CSMD1: variants seen among roughly 807,000 people sequenced by gnomAD.
The protein encoded by CSMD1 is CUB and Sushi multiple domains 1.
CSMD1 carries 213 observed loss-of-function variants against 417.5 expected under a neutral mutation model. The observed-to-expected ratio is 0.51, with a 90% CI of 0.46 to 0.57. CSMD1 has a LOEUF of 0.57. Ranked by LOEUF, CSMD1 falls within the 20% of genes least tolerant of loss-of-function variation. The pLI, the probability that CSMD1 is intolerant of heterozygous loss-of-function variation, is 0.00. For synonymous variants in CSMD1, 2,862 were observed against 1,736.8 expected, an observed-to-expected ratio of 1.65 and a Z score of -16.11; for missense variants, 6,923 against 4,529.7, an observed-to-expected ratio of 1.53 and a Z score of -15.17.
At chr8:3,052,830 G>A (rs980072522) in intron 49 of CSMD1, among the ~76,000 whole-genome samples, 183 bp from the exon 50 acceptor site, 3 of 147,252 alleles carry the variant, frequency 2.0e-5, no homozygotes, top group African/African-American at 7.5e-5. Context: ...CTCCCAGGCT[G>A]GAGTGCAATG....
At chr8:4,385,207 C>T (rs967070170) in intron 3 of CSMD1, among the ~76,000 whole-genome samples, 15 of 152,096 alleles carry the variant, frequency 9.9e-5, no homozygotes, top group African/African-American at 2.9e-4. Context: ...TGATTACAGG[C>T]ATGAGCCACT....
chr8:4,213,096 C>A (rs1383434440), intron 3 of CSMD1, among the ~76,000 whole-genome samples: 1 of 152,128 alleles, frequency 6.6e-6, no homozygotes, highest in African/African-American at 2.4e-5. Flanking sequence ...AATATAGATG[C>A]TTCACCCAGT....
intron 3 of CSMD1, among the ~76,000 whole-genome samples, chr8:4,419,118 A>T (rs1797108118): frequency 6.6e-6 from 1 of 152,174 alleles, no homozygotes; most frequent in South Asian, 2.1e-4. Flanking sequence ...CTTAGTAGCA[A>T]ATGACATCCC....
intron 1 of CSMD1, among the ~76,000 whole-genome samples, chr8:4,972,783 G>A (rs6558952): frequency 0.15 from 23,000 of 152,066 alleles, 1,927 homozygotes; most frequent in East Asian, 0.3. Flanking sequence ...CAGGCATCAT[G>A]AAGTTAGGAG....
intron 3 of CSMD1, among the ~76,000 whole-genome samples, chr8:4,345,206 C>A (rs1393600253): frequency 6.6e-6 from 1 of 152,080 alleles, no homozygotes. Context: ...ATGACCAACG[C>A]TAACATATAT....
rs1027972688 is a variant in CSMD1, at chr8:4,489,123, G to C, written c.303-69058C>G. 2.6e-5 allele frequency among the ~76,000 whole-genome samples: 4 copies of C among 152,090 alleles called. No individual in the cohort carries two copies. The South Asian group carries it at 8.3e-4, about 31-fold the overall frequency. On this transcript the variant is annotated intron_variant, in intron 2 of 69. Transcript: ENST00000635120. Reference sequence around the variant, plus strand: ...GACGGGGTTTCACCATGTCGGCCAGGCTGGTCTCAAACTCCTGACCTCAGG... The same window carrying C: ...GACGGGGTTTCACCATGTCGGCCAGCCTGGTCTCAAACTCCTGACCTCAGG...
chr8:3,112,495 T>C (rs1327780481), intron 42 of CSMD1, among the ~76,000 whole-genome samples: 1 of 152,184 alleles, frequency 6.6e-6, no homozygotes, highest in African/African-American at 2.4e-5. Context: ...ATTCCAGTAT[T>C]ATTTATGCCA....
At chr8:3,416,115 C>G (rs961490043) in intron 12 of CSMD1, among the ~76,000 whole-genome samples, 10 of 151,820 alleles carry the variant, frequency 6.6e-5, no homozygotes, top group Non-Finnish European at 4.4e-5. Context: ...TCCTGGATAA[C>G]ATGGTGAAAC....
chr8:3,978,160 T>C (rs1421132360), intron 5 of CSMD1, among the ~76,000 whole-genome samples: 1 of 151,982 alleles, frequency 6.6e-6, no homozygotes, highest in Admixed American at 6.6e-5. Flanking sequence ...TCCTCTCGAG[T>C]GAGGAAACAG....
chr8:4,443,886 T>C (rs1585084340), intron 2 of CSMD1, among the ~76,000 whole-genome samples: 1 of 152,238 alleles, frequency 6.6e-6, no homozygotes, highest in East Asian at 1.9e-4. Flanking sequence ...AGCTATGTTT[T>C]CATTTCATCA....
chr8:4,736,001 C>T (rs1381584015), intron 1 of CSMD1, among the ~76,000 whole-genome samples: 1 of 152,166 alleles, frequency 6.6e-6, no homozygotes, highest in Non-Finnish European at 1.5e-5. Flanking sequence ...GATTTTCTTA[C>T]ATTTTTATGG....
intron 45 of CSMD1, 37 bp downstream of exon 45, chr8:3,107,681 T>C: frequency 8.4e-7 from 1 of 1,191,828 alleles, no homozygotes; most frequent in South Asian, 1.3e-5. Context: ...AAAAATGTCG[T>C]GCTGAATTCA....
At chr8:3,476,245 A>G (rs1297627938) in intron 11 of CSMD1, among the ~76,000 whole-genome samples, 1 of 152,224 alleles carries the variant, frequency 6.6e-6, no homozygotes, top group South Asian at 2.1e-4. Flanking sequence ...GAAATCTTTC[A>G]TCAACATAAC....
chr8:3,799,724 G>T (rs1800357696), intron 5 of CSMD1, among the ~76,000 whole-genome samples: 1 of 151,868 alleles, frequency 6.6e-6, no homozygotes, highest in Non-Finnish European at 1.5e-5. Flanking sequence ...TTGACATTCT[G>T]TGCATTGTTT....
intron 2 of CSMD1, among the ~76,000 whole-genome samples, chr8:4,503,608 C>A (rs1802371717): frequency 1.3e-5 from 2 of 152,056 alleles, no homozygotes; most frequent in Admixed American, 6.6e-5. Context: ...ATTGACCCAG[C>A]CAGCTTGAGT....
In CSMD1 at chr8:4,016,952, A is replaced by T. The variant is rs75528925; in HGVS notation, c.610+14953T>A. Among the ~76,000 whole-genome samples the T allele has an allele frequency of 2.2e-4, 34 of 152,322 alleles. No individual in the cohort carries two copies. In the East Asian group the frequency reaches 5.4e-3, roughly 24 times the overall value. On this transcript the variant is annotated intron_variant, in intron 4 of 69. Coordinates refer to ENST00000635120, the MANE Select transcript of CSMD1 (RefSeq NM_033225.6). ...GAAATCTCAAAAGATGAAACTCCTTAAAGTCAAAATCCCTAATGTCTAAAA... is the reference window on the plus strand; with the variant it reads ...GAAATCTCAAAAGATGAAACTCCTTTAAGTCAAAATCCCTAATGTCTAAAA...
At chr8:4,957,560 G>A (rs1315455961) in intron 1 of CSMD1, among the ~76,000 whole-genome samples, 5 of 152,072 alleles carry the variant, frequency 3.3e-5, no homozygotes, top group African/African-American at 1.2e-4. Flanking sequence ...TGATATCAGT[G>A]TCTTTGTAGA....
intron 3 of CSMD1, among the ~76,000 whole-genome samples, chr8:4,283,105 G>C (rs1346537948): frequency 6.6e-6 from 1 of 152,114 alleles, no homozygotes; most frequent in African/African-American, 2.4e-5. Context: ...GCAGACTTTA[G>C]AAATTACTAC....
At chr8:3,244,107 T>C (rs371822430) in intron 26 of CSMD1, among the ~76,000 whole-genome samples, 7 of 152,300 alleles carry the variant, frequency 4.6e-5, no homozygotes, top group African/African-American at 1.7e-4. Flanking sequence ...GATCACAACG[T>C]GCGCATTACA....
Sources: gnomAD v4.1 joint callset for allele counts (sites outside exome capture counted in the v4.1 genomes callset) on GRCh38, gnomAD v4.1.1 for gene constraint, MANE v1.5 for transcripts, NCBI Gene and HGNC (gene_info 2026-07-23, HGNC 2026-07-21) for gene names.